The following RTN1 variants were observed in gnomAD, a reference collection of about 807,000 sequenced individuals.
RTN1 encodes the protein reticulon 1.
Under a neutral mutation model 65.5 loss-of-function variants are expected in RTN1, and 25 were observed. That is an observed-to-expected ratio of 0.38 (90% CI 0.28 to 0.53). The LOEUF is 0.53. RTN1 is among the 20% of genes least tolerant of loss of function. The pLI, the probability that RTN1 is intolerant of heterozygous loss-of-function variation, is 0.79. For missense variants in RTN1, 983 were observed against 1,025.4 expected (o/e 0.96, Z 0.57); for synonymous variants, 471 against 447.6 (o/e 1.05, Z -0.66).
chr14:59,768,813 G>C (rs533790204), intron 1 of RTN1, among the ~76,000 whole-genome samples: 5 of 152,278 alleles, frequency 3.3e-5, no homozygotes, highest in Admixed American at 6.5e-5. Context: ...GCTAATAGCA[G>C]AGTATATGAG....
intron 3 of RTN1, among the ~76,000 whole-genome samples, chr14:59,644,958 G>T (rs1212211713): frequency 6.6e-6 from 1 of 151,704 alleles, no homozygotes; most frequent in South Asian, 2.1e-4. Flanking sequence ...GAGCTCCCAG[G>T]GGGAGGACAG....
intron 3 of RTN1, among the ~76,000 whole-genome samples, chr14:59,640,210 T>C (rs1024863817): frequency 6.6e-6 from 1 of 152,256 alleles, no homozygotes; most frequent in Admixed American, 6.5e-5. Context: ...AATTATAGAT[T>C]TCTTTAATAG....
intron 3 of RTN1, among the ~76,000 whole-genome samples, chr14:59,635,515 C>T (rs1160895607): frequency 1.3e-5 from 2 of 152,104 alleles, no homozygotes; most frequent in African/African-American, 2.4e-5. Context: ...GAGACAAAAA[C>T]AGAACATAAG....
intron 3 of RTN1, among the ~76,000 whole-genome samples, chr14:59,612,599 G>A (rs903845796): frequency 2.6e-5 from 4 of 152,212 alleles, no homozygotes; most frequent in Non-Finnish European, 5.9e-5. Flanking sequence ...AGGATAGAAT[G>A]TGGGTTTACA....
chr14:59,822,884 T>C (rs1886966939), intron 1 of RTN1, among the ~76,000 whole-genome samples: 1 of 152,100 alleles, frequency 6.6e-6, no homozygotes. Flanking sequence ...TTTGGGTTTT[T>C]TTTTTTTTAA....
At chr14:59,680,536 T>C (rs1883724620) in intron 3 of RTN1, among the ~76,000 whole-genome samples, 1 of 152,158 alleles carries the variant, frequency 6.6e-6, no homozygotes, top group Non-Finnish European at 1.5e-5. Context: ...TGAACCCAAA[T>C]ACAAGGCTTT....
intron 2 of RTN1, among the ~76,000 whole-genome samples, chr14:59,743,141 C>T (rs1013587953): frequency 1.3e-5 from 2 of 152,190 alleles, no homozygotes; most frequent in African/African-American, 4.8e-5. Flanking sequence ...CCCATACTGT[C>T]AAGTGGGCAA....
At chr14:59,859,630 AG>A (rs1346629067) in intron 1 of RTN1, among the ~76,000 whole-genome samples, 1 of 152,234 alleles carries the variant, frequency 6.6e-6, no homozygotes, top group African/African-American at 2.4e-5. Flanking sequence ...AACAGTTTGG[AG>A]GACTCAGAAG....
At chr14:59,636,645 A>G (rs550871954) in intron 3 of RTN1, among the ~76,000 whole-genome samples, 1 of 152,084 alleles carries the variant, frequency 6.6e-6, no homozygotes, top group African/African-American at 2.4e-5. Context: ...TTCTTTAAAA[A>G]TTTTTATGCA....
At chr14:59,669,202 A>C (rs971977006) in intron 3 of RTN1, among the ~76,000 whole-genome samples, 1 of 152,190 alleles carries the variant, frequency 6.6e-6, no homozygotes, top group Non-Finnish European at 1.5e-5. Context: ...CTTGGAACCA[A>C]CCCAAATGTC....
At chr14:59,616,948 T>C (rs1882119323) in intron 3 of RTN1, among the ~76,000 whole-genome samples, 1 of 152,210 alleles carries the variant, frequency 6.6e-6, no homozygotes, top group Non-Finnish European at 1.5e-5. Context: ...TAAAATATAC[T>C]CCTATAAACA....
At chr14:59,749,503 ATATATAGATATCTATATATTTATATAT>A in intron 1 of RTN1, among the ~76,000 whole-genome samples, 2 of 72,166 alleles carry the variant, frequency 2.8e-5, no homozygotes, top group Admixed American at 2.4e-4. Flanking sequence ...ATATATATCT[ATATATAGATATCTATATATTTATATAT>A]ATCTATCTAT....
At chr14:59,661,036 T>G (rs1460043205) in intron 3 of RTN1, among the ~76,000 whole-genome samples, 2 of 150,628 alleles carry the variant, frequency 1.3e-5, no homozygotes, top group African/African-American at 4.9e-5. Context: ...ATAGACACAA[T>G]AAAAAATGAT....
At chr14:59,770,104 G>A (rs1045544592) in intron 1 of RTN1, among the ~76,000 whole-genome samples, 3 of 152,020 alleles carry the variant, frequency 2.0e-5, no homozygotes, top group East Asian at 1.9e-4. Flanking sequence ...GGGGCCAGGC[G>A]TGGTGGCTCA....
chr14:59,824,286 T>G (rs1405897706), intron 1 of RTN1, among the ~76,000 whole-genome samples: 3 of 152,246 alleles, frequency 2.0e-5, no homozygotes, highest in African/African-American at 7.2e-5. Flanking sequence ...TTTCTCTCAT[T>G]CTACCATGTT....
At chr14:59,647,995 C>T (rs996393202) in intron 3 of RTN1, among the ~76,000 whole-genome samples, 2 of 151,978 alleles carry the variant, frequency 1.3e-5, no homozygotes, top group African/African-American at 4.8e-5. Context: ...ATAAGCAAAT[C>T]CAAGAGTTGG....
intron 1 of RTN1, among the ~76,000 whole-genome samples, chr14:59,812,293 T>C (rs1483847726): frequency 6.6e-6 from 1 of 152,162 alleles, no homozygotes; most frequent in Non-Finnish European, 1.5e-5. Context: ...TTCAAAAACT[T>C]CATAAGTGAT....
At chr14:59,813,134 G>T (rs889761994) in intron 1 of RTN1, among the ~76,000 whole-genome samples, 1 of 152,102 alleles carries the variant, frequency 6.6e-6, no homozygotes, top group African/African-American at 2.4e-5. Flanking sequence ...GACAAAGTAA[G>T]GGCTTTCTAA....
chr14:59,623,097 T>A (rs536734746), intron 3 of RTN1, among the ~76,000 whole-genome samples: 1 of 152,342 alleles, frequency 6.6e-6, no homozygotes, highest in African/African-American at 2.4e-5. Flanking sequence ...GATTTCAGTG[T>A]CAAAGCCACA....
Sources: gnomAD v4.1 joint callset for allele counts (sites outside exome capture counted in the v4.1 genomes callset) on GRCh38, gnomAD v4.1.1 for gene constraint, MANE v1.5 for transcripts, NCBI Gene and HGNC (gene_info 2026-07-23, HGNC 2026-07-21) for gene names.